The following NBPF20 variants were observed in gnomAD, a reference collection of about 807,000 sequenced individuals.
The protein encoded by NBPF20 is NBPF family member NBPF20.
A neutral mutation model predicts 68.1 loss-of-function variants in NBPF20; 90 were observed. The ratio of observed to expected loss-of-function variants is 1.32; its 90% CI spans 1.11 to 1.58. NBPF20 has a LOEUF of 1.58. Among genes scored for constraint, NBPF20 ranks in the 40% most tolerant of loss-of-function variants. The pLI is 0.00. For missense variants in NBPF20, 816 were observed against 601.2 expected (o/e 1.36, Z -3.74); for synonymous variants, 290 against 228.1 (o/e 1.27, Z -2.45).
Position 145,393,581 on chromosome 1 carries a change from G to A in NBPF20, c.1043+303C>T, listed in dbSNP as rs1361082065. 1.4e-5 allele frequency: 9 copies of A among 648,360 alleles called. No homozygotes were observed. The Admixed American group carries it at 1.4e-4, about 10-fold the overall frequency. The allele number at this position is 648,360 out of a possible 1,614,324, so 40.2% of individuals were successfully genotyped here. Reference sequence around the variant, plus strand: ...GTGCTCTCAGGACACACTGTGAACAGTGATCATGAAAAGCATGTCCTCAAT... The same window carrying A: ...GTGCTCTCAGGACACACTGTGAACAATGATCATGAAAAGCATGTCCTCAAT... On this transcript the variant is annotated intron_variant, in intron 9 of 137. Coordinates refer to ENST00000369373, the Ensembl canonical transcript of NBPF20.
chr1:145,393,751 A>G (rs1282014333), intron 9 of NBPF20, 133 bp downstream of exon 14: 2 of 1,513,298 alleles, frequency 1.3e-6, no homozygotes, highest in African/African-American at 2.7e-5. Flanking sequence ...AGAACCAGAA[A>G]GCAATGTAGT....
upstream of NBPF20, among the ~76,000 whole-genome samples, chr1:145,409,855 T>C (rs1233114068): frequency 2.6e-5 from 4 of 151,522 alleles, no homozygotes; most frequent in South Asian, 2.1e-4. Flanking sequence ...TCAGGAAAAC[T>C]TTCCAATTTT....
At chr1:145,419,020 AAAGAAAAG>A in the NBPF20 span, among the ~76,000 whole-genome samples, 1 of 145,800 alleles carries the variant, frequency 6.9e-6, no homozygotes, top group Non-Finnish European at 1.5e-5. Flanking sequence ...AGACAAAGAA[AAAGAAAAG>A]AAGAAAGGAA....
chr1:145,311,793 T>G (rs1312080682), intron 112 of NBPF20, among the ~76,000 whole-genome samples: 1 of 84,548 alleles, frequency 1.2e-5, no homozygotes, highest in Non-Finnish European at 2.2e-5. Flanking sequence ...CCCAAATGGT[T>G]GCTAGGAGAA....
chr1:145,400,430 G>A lies in NBPF20; in HGVS notation c.731C>T (p.Ser244Phe), dbSNP rs1271789248. 4.6e-5 allele frequency: 74 copies of A among 1,612,998 alleles called. 2 individuals carry two copies. In the Admixed American group the frequency reaches 1.2e-3, roughly 27 times the overall value. Residue 244 changes from serine (S) to phenylalanine (F), a missense_variant, in exon 6 of 138, where the codon TCC becomes TTC. Physicochemically the swap from Ser to Phe is radical, Grantham distance 155. Coordinates refer to ENST00000369373, the Ensembl canonical transcript of NBPF20. ...AGCATCCTCCCATTCAACATGAGAG[G>A]ATGAGCCAATCAGAGTTGAGTCGAC...
intron 2 of NBPF20, among the ~76,000 whole-genome samples, chr1:145,403,929 T>C (rs1352513413): frequency 6.6e-6 from 1 of 150,890 alleles, no homozygotes; most frequent in Non-Finnish European, 1.5e-5. Flanking sequence ...GAAGAACTAA[T>C]AAATAGTGTT....
At chr1:145,352,168 C>T (rs1317516501) in intron 61 of NBPF20, 79 bp from the exon 67 acceptor site, 64 of 11,924 alleles carry the variant, frequency 5.4e-3, no homozygotes, top group African/African-American at 0.043. Flanking sequence ...TCATGGGTAG[C>T]ATAGGGAAGT....
exon 2 of NBPF20, chr1:145,405,102 T>A (rs782548515): frequency 6.2e-7 from 1 of 1,613,568 alleles, no homozygotes; most frequent in Non-Finnish European, 8.5e-7. Flanking sequence ...TCTTACTGTA[T>A]TTCTTCTGCT....
the NBPF20 span, among the ~76,000 whole-genome samples, chr1:145,424,719 G>A: frequency 5.9e-5 from 9 of 152,194 alleles, no homozygotes; most frequent in Admixed American, 5.2e-4. Context: ...AAGACAGACA[G>A]ACACAGGGAA....
chr1:145,394,350 G>C (rs1293221874), intron 8 of NBPF20, among the ~76,000 whole-genome samples: 2 of 151,690 alleles, frequency 1.3e-5, no homozygotes, highest in African/African-American at 4.9e-5. Flanking sequence ...CAATGTACCA[G>C]CTCTTGAGTC....
chr1:145,291,695 G>A (rs782075492), exon 138 of NBPF20: 61 of 1,611,780 alleles, frequency 3.8e-5, no homozygotes, highest in East Asian at 2.9e-4. Context: ...GTACATTGAC[G>A]GAGTAGAATA....
the NBPF20 span, among the ~76,000 whole-genome samples, chr1:145,423,843 T>C: frequency 1.3e-5 from 2 of 152,168 alleles, no homozygotes; most frequent in African/African-American, 2.4e-5. Flanking sequence ...CATTCAACAA[T>C]ATGTAATACT....
intron 83 of NBPF20, among the ~76,000 whole-genome samples, chr1:145,334,883 G>C (rs1196920661): frequency 5.1e-5 from 7 of 137,046 alleles, no homozygotes; most frequent in Non-Finnish European, 1.7e-5. Context: ...CAGCGAGTTG[G>C]CCGGGTGACA....
chr1:145,419,614 T>A, the NBPF20 span, among the ~76,000 whole-genome samples: 1 of 152,078 alleles, frequency 6.6e-6, no homozygotes, highest in Non-Finnish European at 1.5e-5. Context: ...ATCGTCCATT[T>A]GTCATTCTCA....
intron 75 of NBPF20, among the ~76,000 whole-genome samples, chr1:145,341,155 G>GAGAGAC (rs1208160242): frequency 2.7e-4 from 20 of 72,824 alleles, no homozygotes; most frequent in Admixed American, 7.4e-4. Flanking sequence ...GAGACAGAGA[G>GAGAGAC]AGAGACAGAG....
At position 145,389,032 on chromosome 1, in the gene NBPF20, A is replaced by C; in HGVS notation, c.1775+89T>G. 9.9e-6 allele frequency: 4 copies of C among 402,748 alleles called. No homozygotes were observed. In the South Asian group the frequency reaches 1.0e-4, roughly 10 times the overall value. The allele number at this position is 402,748 out of a possible 1,614,324, so 24.9% of individuals were successfully genotyped here. ...AGGAGTAATTCAGCCTTCGTTGAAA[A>C]CATGACATCAAACACACTCTGGTTT... On this transcript the variant is annotated intron_variant, in intron 15 of 137. Coordinates refer to ENST00000369373, the Ensembl canonical transcript of NBPF20.
At chr1:145,338,095 A>G (rs1661590536) in intron 79 of NBPF20, among the ~76,000 whole-genome samples, 1 of 68,872 alleles carries the variant, frequency 1.5e-5, no homozygotes, top group Non-Finnish European at 3.0e-5. Flanking sequence ...CAGGTGACAC[A>G]CTGATGAGGG....
exon 8 of NBPF20, chr1:145,394,992 G>T (rs1305477321): frequency 1.2e-6 from 2 of 1,611,840 alleles, no homozygotes; most frequent in African/African-American, 2.7e-5. Flanking sequence ...TATGTCAACA[G>T]CCATGCAGAC....
chr1:145,292,388 A>G lies in NBPF20; in HGVS notation c.16690T>C (p.Cys5564Arg), dbSNP rs782068323. The change falls in exon 137 of 138, where the codon TGC becomes CGC. Residue 5564 changes from cysteine (C) to arginine (R), a missense_variant. Cys to Arg is a radical substitution (Grantham distance 180). Transcript: ENST00000369373. Reference sequence around the variant, plus strand: ...ACAATTGCTGAAAGTCACCTGGGGCATGGTGGGTTTTGATCTTCTTCCCCT... The same window carrying G: ...ACAATTGCTGAAAGTCACCTGGGGCGTGGTGGGTTTTGATCTTCTTCCCCT... The G allele has an allele frequency of 2.5e-5, 17 of 682,570 alleles. No individual in the cohort carries two copies. In the Admixed American group the frequency reaches 3.5e-4, roughly 14 times the overall value. 42.3% of individuals were successfully genotyped at this position (682,570 alleles called of 1,614,324 possible).
Sources: gnomAD v4.1 joint callset for allele counts (sites outside exome capture counted in the v4.1 genomes callset) on GRCh38, gnomAD v4.1.1 for gene constraint, MANE v1.5 for transcripts, NCBI Gene and HGNC (gene_info 2026-07-23, HGNC 2026-07-21) for gene names.